The following CPSF7 variants were observed in gnomAD, a reference collection of about 807,000 sequenced individuals.
The protein encoded by CPSF7 is cleavage and polyadenylation specificity factor subunit 7.
In CPSF7, 1 loss-of-function variant was observed where a neutral mutation model predicts 44.3. The observed-to-expected ratio is 0.02, with a 90% CI of 0.01 to 0.11. CPSF7 has a LOEUF of 0.11. Among genes scored for constraint, CPSF7 ranks in the 10% least tolerant of loss-of-function variants. CPSF7 has a pLI of 1.00. For synonymous variants in CPSF7, 202 were observed against 222.0 expected (o/e 0.91, Z 0.80); for missense variants, 443 against 607.2 (o/e 0.73, Z 2.84).
Position 61,429,929 on chromosome 11 carries a change from G to C in CPSF7, c.-71C>G. ...CCCCCGTTACCGGGAATATGGCGGCGGCGGCGGCGAGTCCGGACTAGGCCC... is the reference window on the plus strand; with the variant it reads ...CCCCCGTTACCGGGAATATGGCGGCCGCGGCGGCGAGTCCGGACTAGGCCC... On this transcript the variant is annotated 5_prime_UTR_variant, in exon 1 of 10. Transcript: ENST00000439958. 6.9e-7 allele frequency: 1 copy of C among 1,452,026 alleles called. No individual in the cohort carries two copies. Among genetic ancestry groups the C allele is most frequent in the Non-Finnish European group, 9.2e-7 (1 of 1,086,454 alleles). 89.9% of individuals were successfully genotyped at this position (1,452,026 alleles called of 1,614,324 possible). A position where few individuals can be genotyped will look rare whatever the true frequency, so the allele number is the denominator to read the frequency against.
At chr11:61,424,077 G>T (rs975239503) in intron 2 of CPSF7, among the ~76,000 whole-genome samples, 7 of 152,266 alleles carry the variant, frequency 4.6e-5, no homozygotes, top group African/African-American at 1.7e-4. Context: ...TTAACAACAA[G>T]AAATTAGTGA....
chr11:61,421,726 G>A (rs1269606746), intron 2 of CPSF7, 118 bp from the exon 3 acceptor site: 1 of 706,694 alleles, frequency 1.4e-6, no homozygotes, highest in Non-Finnish European at 2.4e-6. Flanking sequence ...AAACTTCCTT[G>A]TCCTACCCCA....
intron 2 of CPSF7, among the ~76,000 whole-genome samples, chr11:61,423,785 G>T (rs574566733): frequency 6.6e-6 from 1 of 152,180 alleles, no homozygotes; most frequent in South Asian, 2.1e-4. Context: ...ATCTGAAGAC[G>T]ACTCACTAAA....
intron 7 of CPSF7, among the ~76,000 whole-genome samples, chr11:61,414,365 C>T (rs999348653): frequency 6.6e-5 from 10 of 152,048 alleles, no homozygotes; most frequent in Admixed American, 5.9e-4. Context: ...CCATGCTGGT[C>T]TCAAACTCCT....
intron 2 of CPSF7, among the ~76,000 whole-genome samples, chr11:61,424,203 G>T (rs1861150062): frequency 6.6e-6 from 1 of 152,182 alleles, no homozygotes; most frequent in Non-Finnish European, 1.5e-5. Context: ...AGAGGACAGG[G>T]TGGATAATAA....
chr11:61,427,229 G>A (rs1861453852), intron 2 of CPSF7: 1 of 151,220 alleles, frequency 6.6e-6, no homozygotes, highest in Non-Finnish European at 1.5e-5. Context: ...GCAAGACTGT[G>A]TGTTTTTTTT....
At position 61,420,513 on chromosome 11, in the gene CPSF7, C is replaced by G. The variant is rs767513154; in HGVS notation, c.334G>C (p.Glu112Gln). 6.2e-7 allele frequency: 1 copy of G among 1,614,164 alleles called. No homozygotes were observed. The highest frequency in any genetic ancestry group is 8.5e-7 in the Non-Finnish European group (1 of 1,180,024). The change falls in exon 4 of 10, where the codon GAG (glutamate) becomes CAG (glutamine). Residue 112 changes from glutamate to glutamine, a missense_variant. Transcript: ENST00000439958. ...GCTCGATTCTCTGCAAATTTCAACT[C>G]CACCACATCATAGACTCCTATAGAG... Reference protein sequence around the residue: ...IRSIGVYDVVELKFAENRANG... With the variant: ...IRSIGVYDVVQLKFAENRANG...
chr11:61,420,253 T>C (rs1464627440), intron 4 of CPSF7, among the ~76,000 whole-genome samples, 159 bp from the exon 5 acceptor site: 1 of 152,216 alleles, frequency 6.6e-6, no homozygotes, highest in Non-Finnish European at 1.5e-5. Context: ...GCCTAAATCT[T>C]TATTTTTTTG....
At chr11:61,408,032 C>A (rs1859479613) in intron 9 of CPSF7, among the ~76,000 whole-genome samples, 1 of 151,254 alleles carries the variant, frequency 6.6e-6, no homozygotes, top group Non-Finnish European at 1.5e-5. Context: ...TACTTTAGAT[C>A]AAGCAGGCAA....
chr11:61,419,982 T>C lies in CPSF7; in HGVS notation c.490A>G (p.Asn164Asp). The change falls in exon 5 of 10, where the codon AAC (asparagine) becomes GAC (aspartate). Residue 164 changes from asparagine to aspartate, a missense_variant. Coordinates refer to ENST00000439958, the MANE Select transcript of CPSF7 (RefSeq NM_001142565.3). ...GCCTGTGCCTCAAACTGTGACAGGTTCTGCCGGGTGGCCGGCCTCACGTCC... is the reference window on the plus strand; with the variant it reads ...GCCTGTGCCTCAAACTGTGACAGGTCCTGCCGGGTGGCCGGCCTCACGTCC... The part of the protein sequence containing the change: ...KVDVRPATRQ[N>D]LSQFEAQARK... The C allele has an allele frequency of 6.2e-7, 1 of 1,614,222 alleles. No individual in the cohort carries two copies. The highest frequency in any genetic ancestry group is 8.5e-7 in the Non-Finnish European group (1 of 1,180,040).
intron 9 of CPSF7, among the ~76,000 whole-genome samples, chr11:61,406,695 A>C (rs1206883672): frequency 3.9e-5 from 6 of 152,328 alleles, no homozygotes; most frequent in Admixed American, 2.6e-4. Flanking sequence ...AAGTTACCAA[A>C]AGAGAGTTAT....
At chr11:61,418,025 G>A (rs1392063593) in intron 5 of CPSF7, among the ~76,000 whole-genome samples, 1 of 152,206 alleles carries the variant, frequency 6.6e-6, no homozygotes, top group Non-Finnish European at 1.5e-5. Flanking sequence ...CCTAAGGAAA[G>A]TCAGGGGTGA....
At chr11:61,429,334 C>G in intron 1 of CPSF7, 44 bp from the exon 2 acceptor site, 1 of 1,190,324 alleles carries the variant, frequency 8.4e-7, no homozygotes, top group Non-Finnish European at 1.3e-6. Flanking sequence ...GCACGAGGGT[C>G]CTGGGCTGGG....
intron 4 of CPSF7, 136 bp from the exon 5 acceptor site, chr11:61,420,230 C>A: frequency 1.3e-6 from 1 of 744,812 alleles, no homozygotes; most frequent in Non-Finnish European, 2.2e-6. Flanking sequence ...ACAGCACTAA[C>A]AACAAAGAGA....
chr11:61,416,747 T>C (rs1486395751), intron 5 of CPSF7, among the ~76,000 whole-genome samples: 2 of 142,080 alleles, frequency 1.4e-5, no homozygotes, highest in Non-Finnish European at 2.9e-5. Context: ...AAGAATGTTT[T>C]CCATCCATAA....
intron 4 of CPSF7, 68 bp from the exon 5 acceptor site, chr11:61,420,162 T>C (rs911673949): frequency 2.6e-5 from 34 of 1,326,076 alleles, no homozygotes; most frequent in African/African-American, 1.8e-4. Context: ...AGAAATTCTC[T>C]TCCACTTTTA....
chr11:61,420,443 A>G (rs1469244966), intron 4 of CPSF7, 27 bp downstream of exon 4: 6 of 1,561,264 alleles, frequency 3.8e-6, no homozygotes, highest in Non-Finnish European at 5.3e-6. Flanking sequence ...TACAAATTAA[A>G]AGGGGCTTCT....
chr11:61,429,969 G>T lies in CPSF7; in HGVS notation c.-111C>A, dbSNP rs899770183. ...GGACTAGGCCCGAAGCGCGCGAACC[G>T]CTCTCCGCCCCAGGTCCCGCCCCCC... On this transcript the variant is annotated 5_prime_UTR_variant, in exon 1 of 10. Coordinates refer to ENST00000439958, the MANE Select transcript of CPSF7 (RefSeq NM_001142565.3). The T allele has an allele frequency of 1.6e-6, 2 of 1,271,460 alleles. No homozygotes were observed. Among genetic ancestry groups the T allele is most frequent in the Non-Finnish European group, 2.1e-6 (2 of 948,708 alleles). 78.8% of individuals were successfully genotyped at this position (1,271,460 alleles called of 1,614,324 possible). A position where few individuals can be genotyped will look rare whatever the true frequency, so the allele number is the denominator to read the frequency against.
At chr11:61,414,746 T>A (rs1432694084) in intron 7 of CPSF7, among the ~76,000 whole-genome samples, 2 of 152,218 alleles carry the variant, frequency 1.3e-5, no homozygotes, top group African/African-American at 4.8e-5. Context: ...CCTCTTCTTT[T>A]AGAAACTAAA....
Sources: gnomAD v4.1 joint callset for allele counts (sites outside exome capture counted in the v4.1 genomes callset) on GRCh38, gnomAD v4.1.1 for gene constraint, MANE v1.5 for transcripts, NCBI Gene and HGNC (gene_info 2026-07-23, HGNC 2026-07-21) for gene names.